NPAT: variants seen among roughly 807,000 people sequenced by gnomAD.
NPAT encodes the protein nuclear protein, coactivator of histone transcription.
In NPAT, 52 loss-of-function variants were observed where a neutral mutation model predicts 130.7. The ratio of observed to expected loss-of-function variants is 0.40; its 90% confidence interval spans 0.32 to 0.50. The LOEUF is 0.50. Ranked by LOEUF, NPAT falls within the 20% of genes least tolerant of loss-of-function variation. NPAT has a pLI of 0.68. For synonymous variants in NPAT, 580 were observed against 584.8 expected (o/e 0.99, Z 0.12); for missense variants, 1,687 against 1,662.6 (o/e 1.01, Z -0.26).
At chr11:108,197,986 G>A (rs1438101651) in intron 1 of NPAT, among the ~76,000 whole-genome samples, 1 of 152,190 alleles carries the variant, frequency 6.6e-6, no homozygotes, top group Non-Finnish European at 1.5e-5. Flanking sequence ...AACTAGTGAA[G>A]GAAGGCTAAG....
At chr11:108,174,916 G>A (rs116179674) in intron 12 of NPAT, among the ~76,000 whole-genome samples, 4 of 152,138 alleles carry the variant, frequency 2.6e-5, no homozygotes, top group Non-Finnish European at 5.9e-5. Context: ...ACTGTGCCTG[G>A]CCTGGAAAAA....
intron 1 of NPAT, among the ~76,000 whole-genome samples, chr11:108,210,009 A>G (rs963015506): frequency 7.9e-5 from 12 of 151,884 alleles, no homozygotes; most frequent in Admixed American, 2.6e-4. Flanking sequence ...AATAGAGAAA[A>G]ATGAATAAAA....
Position 108,172,629 on chromosome 11 carries a change from T to C in NPAT, c.2355A>G (p.Glu785=). Residue 785 remains glutamate (E), a synonymous_variant, in exon 13 of 18, where the codon GAA becomes GAG. Coordinates refer to ENST00000278612, the MANE Select transcript of NPAT (RefSeq NM_002519.3). ...CTTCTGAAGATAGGCATTTAACTAG[T>C]TCTGCATTTTTAGTAGGTGATTTAG... ...SPTKSPTKNA[E]LVKCLSSEET... 1 of 1,614,194 alleles carries C rather than the reference T, an allele frequency of 6.2e-7. No homozygotes were observed. The highest frequency in any genetic ancestry group is 8.5e-7 in the Non-Finnish European group (1 of 1,180,026).
At chr11:108,215,059 C>G (rs897117426) in intron 1 of NPAT, among the ~76,000 whole-genome samples, 2 of 152,310 alleles carry the variant, frequency 1.3e-5, no homozygotes, top group Non-Finnish European at 2.9e-5. Context: ...CACAGATACA[C>G]ATTGATTATA....
chr11:108,196,147 GT>G (rs1356063233), intron 2 of NPAT, among the ~76,000 whole-genome samples: 1 of 152,126 alleles, frequency 6.6e-6, no homozygotes, highest in African/African-American at 2.4e-5. Context: ...TTTGCATAAG[GT>G]ATGAGGTATT....
At chr11:108,175,539 A>G (rs895593001) in intron 12 of NPAT, among the ~76,000 whole-genome samples, 4 of 152,252 alleles carry the variant, frequency 2.6e-5, no homozygotes, top group Middle Eastern at 6.3e-3. Flanking sequence ...CACTTTGTAC[A>G]GGGAAGAACT....
In NPAT at chr11:108,185,252, C is replaced by T; in HGVS notation, c.886G>A (p.Asp296Asn). The T allele has an allele frequency of 6.2e-7, 1 of 1,611,686 alleles. No homozygotes were observed. The highest frequency in any genetic ancestry group is 8.5e-7 in the Non-Finnish European group (1 of 1,178,518). The change falls in exon 10 of 18, where the codon GAT becomes AAT. Residue 296 changes from aspartate to asparagine, a missense_variant. Transcript: ENST00000278612. ...CATACCGGAAGTCCTAGGAATTCAT[C>T]AATTGAAGTCTCTGGCTCCGTAGGG... ...NNPTEPETSI[D>N]EFLGLPSEIH... is the part of the protein sequence containing the mutation.
chr11:108,222,395 G>T, intron 1 of NPAT, 105 bp downstream of exon 1: 1 of 1,242,094 alleles, frequency 8.1e-7, no homozygotes. Flanking sequence ...AAGCTGGGAG[G>T]CAAAACCCCA....
chr11:108,164,377 A>C (rs919287308), intron 15 of NPAT, among the ~76,000 whole-genome samples: 5 of 152,214 alleles, frequency 3.3e-5, no homozygotes, highest in Admixed American at 1.3e-4. Flanking sequence ...CTGGCTGGAC[A>C]GATCAAGGGC....
At chr11:108,173,934 G>C (rs532029476) in intron 12 of NPAT, 83 bp from the exon 13 acceptor site, 7 of 1,233,224 alleles carry the variant, frequency 5.7e-6, no homozygotes, top group Admixed American at 1.8e-5. Flanking sequence ...AACTTATTTT[G>C]CCAAGAAAAT....
rs777777664 is a variant in NPAT at position 108,197,336 on chromosome 11, C to G, written c.122G>C (p.Cys41Ser). ...SSDLKEYAEHCTDEGFIPACL... is the reference protein window; with the variant it reads ...SSDLKEYAEHSTDEGFIPACL... Reference sequence around the variant, plus strand: ...GGCTGGAATAAACCCTTCATCTGTACAATGTTCTGCATATTCTTTTAAATC... The same window carrying G: ...GGCTGGAATAAACCCTTCATCTGTAGAATGTTCTGCATATTCTTTTAAATC... Residue 41 changes from cysteine (C) to serine (S), a missense_variant, in exon 2 of 18, where the codon TGT becomes TCT. By Grantham distance (112) the Cys-to-Ser change is moderately radical. This residue lies in a region of NPAT where 307 missense variants were observed against 298.9 expected (regional missense o/e 1.03). Coordinates refer to ENST00000278612, the MANE Select transcript of NPAT (RefSeq NM_002519.3). 1 of 1,612,076 alleles carries G rather than the reference C, an allele frequency of 6.2e-7. No homozygotes were observed. The highest frequency in any genetic ancestry group is 8.5e-7 in the Non-Finnish European group (1 of 1,178,286).
At chr11:108,190,595 G>T in intron 4 of NPAT, 95 bp from the exon 5 acceptor site, 1 of 1,080,212 alleles carries the variant, frequency 9.3e-7, no homozygotes, top group Non-Finnish European at 1.4e-6. Flanking sequence ...TTAGTTATGA[G>T]GTAAAAGGCA....
At chr11:108,209,999 AAT>A (rs1400889231) in intron 1 of NPAT, among the ~76,000 whole-genome samples, 1 of 151,942 alleles carries the variant, frequency 6.6e-6, no homozygotes, top group Non-Finnish European at 1.5e-5. Context: ...ATGAAACAAA[AAT>A]AGAGAAAAAT....
In NPAT at chr11:108,158,602, A is replaced by G. The variant is rs980515751; in HGVS notation, c.*340T>C. 5.4e-6 allele frequency: 1 copy of G among 186,542 alleles called. No individual in the cohort carries two copies. The highest frequency in any genetic ancestry group is 2.4e-5 in the African/African-American group (1 of 41,898). 11.6% of individuals were successfully genotyped at this position (186,542 alleles called of 1,614,324 possible). A position where few individuals can be genotyped will look rare whatever the true frequency, so the allele number is the denominator to read the frequency against. On this transcript the variant is annotated 3_prime_UTR_variant, in exon 18 of 18. Coordinates refer to ENST00000278612, the MANE Select transcript of NPAT (RefSeq NM_002519.3). The stretch of plus-strand genomic sequence containing the variant: ...AGTCTCAGAATTAGGGATCATAAGA[A>G]GTCAAAAAACACAGTGTAAGAACAT...
At chr11:108,214,071 A>C (rs1307044147) in intron 1 of NPAT, among the ~76,000 whole-genome samples, 2 of 152,008 alleles carry the variant, frequency 1.3e-5, no homozygotes, top group Non-Finnish European at 2.9e-5. Context: ...TTACTTACTT[A>C]TTGGTACAGA....
At chr11:108,218,553 C>T (rs1334646433) in intron 1 of NPAT, among the ~76,000 whole-genome samples, 1 of 152,072 alleles carries the variant, frequency 6.6e-6, no homozygotes, top group African/African-American at 2.4e-5. Flanking sequence ...GACAAGGTTT[C>T]TGTCTATAAA....
rs1028918749 is a variant in NPAT, at chr11:108,175,358, G to T, written c.1132+888C>A. 6.6e-5 allele frequency among the ~76,000 whole-genome samples: 10 copies of T among 152,240 alleles called. 1 individual carries two copies. Among genetic ancestry groups the T allele is most frequent in the Admixed American group, 5.2e-4 (8 of 15,294 alleles). ...TTGGAATATATCCCCCATAGATAAGGGGGGACTACTCTAATTCTGTTAAAT... is the reference window on the plus strand; with the variant it reads ...TTGGAATATATCCCCCATAGATAAGTGGGGACTACTCTAATTCTGTTAAAT... On this transcript the variant is annotated intron_variant, in intron 12 of 17. Coordinates refer to ENST00000278612, the MANE Select transcript of NPAT (RefSeq NM_002519.3).
intron 5 of NPAT, among the ~76,000 whole-genome samples, chr11:108,189,927 A>T (rs1231126336): frequency 2.0e-5 from 3 of 152,010 alleles, no homozygotes; most frequent in Non-Finnish European, 2.9e-5. Context: ...GAATTAAAAC[A>T]TTCTACATGA....
At chr11:108,176,930 GT>G (rs2078012063) in intron 11 of NPAT, 63 bp downstream of exon 11, 5 of 1,040,480 alleles carry the variant, frequency 4.8e-6, no homozygotes, top group Non-Finnish European at 7.5e-6. Flanking sequence ...ATTCACTCTG[GT>G]TAAGTTACCA....
Sources: allele counts gnomAD v4.1 joint callset (sites outside exome capture counted in the v4.1 genomes callset), GRCh38; gene constraint gnomAD v4.1.1; regional missense constraint gnomAD v4.1.1; transcripts MANE v1.5; gene names NCBI Gene and HGNC (gene_info 2026-07-23, HGNC 2026-07-21).